Variants in FER1L6 observed in about 807,000 individuals in gnomAD.
FER1L6 encodes fer-1 like family member 6.
A neutral mutation model predicts 219.2 loss-of-function variants in FER1L6; 177 were observed. That is an observed-to-expected ratio of 0.81 (90% confidence interval 0.71 to 0.91). The LOEUF is 0.91. FER1L6 is among the 40% of genes least tolerant of loss of function. The probability of loss-of-function intolerance (pLI) is 0.00; values close to 1 mark genes in which losing one functional copy is unlikely to be tolerated. For missense variants in FER1L6, 2,153 were observed against 2,259.9 expected, an observed-to-expected ratio of 0.95 and a Z score of 0.96; for synonymous variants, 768 against 824.3, an observed-to-expected ratio of 0.93 and a Z score of 1.17.
chr8:123,942,621 A>C (rs1462867817), intron 1 of FER1L6, among the ~76,000 whole-genome samples: 1 of 151,136 alleles, frequency 6.6e-6, no homozygotes, highest in East Asian at 2.0e-4. Flanking sequence ...TGACTGCATC[A>C]CTCTAATCTC....
intron 19 of FER1L6, among the ~76,000 whole-genome samples, chr8:124,039,183 C>A (rs1158735605): frequency 1.3e-5 from 2 of 152,192 alleles, no homozygotes; most frequent in African/African-American, 4.8e-5. Context: ...GATGTGGGTG[C>A]TTGTCTTATC....
chr8:123,927,162 GAA>G (rs10531303), intron 1 of FER1L6, among the ~76,000 whole-genome samples: 56,857 of 135,380 alleles, frequency 0.42, 11,378 homozygotes, highest in South Asian at 0.52. Context: ...CAGCAGGCAG[GAA>G]AAAAAAAAAA....
intron 18 of FER1L6, among the ~76,000 whole-genome samples, chr8:124,031,424 C>G (rs1818961625): frequency 6.6e-6 from 1 of 152,098 alleles, no homozygotes. Flanking sequence ...AGTGGGGAAA[C>G]AGCAAGGCCT....
intron 1 of FER1L6, among the ~76,000 whole-genome samples, chr8:123,949,312 A>T (rs767231568): frequency 3.9e-5 from 6 of 152,196 alleles, no homozygotes; most frequent in Admixed American, 1.3e-4. Flanking sequence ...AATTTAGTTT[A>T]ACATAGCACC....
At chr8:124,103,005 G>C (rs1232933496) in intron 38 of FER1L6, 141 bp from the exon 39 acceptor site, 6 of 779,368 alleles carry the variant, frequency 7.7e-6, no homozygotes, top group African/African-American at 1.7e-5. Flanking sequence ...CCAATACCTA[G>C]CACATAGTTG....
rs755876805 is a variant in FER1L6, at chr8:123,854,442, C to T, written c.-8+2257C>T. On this transcript the variant is annotated intron_variant, in intron 1 of 40. Transcript: ENST00000522917. ...GGGCTGTCACAGCTTCATCTCGGAT[C>T]TCTGCTGTGTAGCATGTCAACTCAA... Among the ~76,000 whole-genome samples, 4 of 152,252 alleles carry T rather than the reference C, an allele frequency of 2.6e-5. No homozygotes were observed. In the East Asian group the frequency reaches 5.8e-4, roughly 22 times the overall value.
At chr8:123,935,727 A>C (rs1032743387) in intron 1 of FER1L6, among the ~76,000 whole-genome samples, 2 of 152,170 alleles carry the variant, frequency 1.3e-5, no homozygotes, top group African/African-American at 4.8e-5. Context: ...GCATATGGTA[A>C]TTAAAACCAC....
chr8:123,965,464 C>T (rs546931084), intron 3 of FER1L6, among the ~76,000 whole-genome samples: 1 of 152,306 alleles, frequency 6.6e-6, no homozygotes, highest in South Asian at 2.1e-4. Context: ...TTGTGATAGT[C>T]CAGATAAATG....
intron 25 of FER1L6, among the ~76,000 whole-genome samples, chr8:124,063,754 G>T (rs1302493073): frequency 6.6e-6 from 1 of 152,156 alleles, no homozygotes; most frequent in Non-Finnish European, 1.5e-5. Flanking sequence ...GCAGCCATGG[G>T]GGTACCGAAC....
intron 1 of FER1L6, among the ~76,000 whole-genome samples, chr8:123,927,196 G>A (rs563035537): frequency 1.9e-4 from 29 of 150,910 alleles, no homozygotes; most frequent in African/African-American, 6.3e-4. Context: ...TCTCCTGGGA[G>A]CCTAGTTTTA....
rs373998218 is a variant in FER1L6, at chr8:124,064,547, G to C, written c.3529G>C (p.Glu1177Gln). Residue 1177 changes from glutamate to glutamine, a missense_variant, in exon 26 of 41, where the codon GAG becomes CAG. Coordinates refer to ENST00000522917, the MANE Select transcript of FER1L6 (RefSeq NM_001039112.2). ...GCCTGAACACACACCTGTAGCCCAG[G>C]AGCCACCAAAAGATGGAAAACCTAA... is the stretch of plus-strand genomic sequence containing the variant. ...LEPEHTPVAQ[E>Q]PPKDGKPKDP... 44 of 1,609,830 alleles carry C rather than the reference G, an allele frequency of 2.7e-5. No homozygotes were observed. The highest frequency in any genetic ancestry group is 5.4e-5 in the African/African-American group (4 of 74,572).
intron 1 of FER1L6, among the ~76,000 whole-genome samples, chr8:123,944,552 T>TTA (rs144720120): frequency 1.8e-4 from 27 of 151,184 alleles, no homozygotes; most frequent in South Asian, 4.2e-4. Flanking sequence ...AGGAGGTAAG[T>TTA]TATATATATA....
chr8:124,109,034 G>A (rs555782001), intron 39 of FER1L6, among the ~76,000 whole-genome samples: 94 of 152,278 alleles, frequency 6.2e-4, no homozygotes, highest in African/African-American at 2.1e-3. Context: ...AAATGGCTAC[G>A]TTGTCTGGGG....
chr8:124,096,298 T>C (rs1822286120), intron 35 of FER1L6, among the ~76,000 whole-genome samples: 1 of 152,208 alleles, frequency 6.6e-6, no homozygotes, highest in Non-Finnish European at 1.5e-5. Flanking sequence ...CTTTTCTCTA[T>C]TCAATTGATT....
At chr8:124,081,346 A>T (rs1049444571) in intron 32 of FER1L6, among the ~76,000 whole-genome samples, 1 of 152,180 alleles carries the variant, frequency 6.6e-6, no homozygotes, top group Non-Finnish European at 1.5e-5. Flanking sequence ...ATCAGACAGC[A>T]TTAATGTTCC....
At chr8:123,904,224 TTGTGTGTGTGTGTGTGTGTGTGTG>T (rs56224402) in intron 1 of FER1L6, among the ~76,000 whole-genome samples, 1 of 139,396 alleles carries the variant, frequency 7.2e-6, no homozygotes, top group South Asian at 2.4e-4. Flanking sequence ...CTCTGTATAT[TTGTGTGTGTGTGTGTGTGTGTGTG>T]TGTGTGTGTG....
At chr8:123,950,745 A>G (rs1814724372) in intron 1 of FER1L6, among the ~76,000 whole-genome samples, 1 of 152,232 alleles carries the variant, frequency 6.6e-6, no homozygotes, top group South Asian at 2.1e-4. Context: ...TCCACCTACT[A>G]TCACAATGAG....
intron 1 of FER1L6, among the ~76,000 whole-genome samples, chr8:123,875,685 A>G (rs2130285277): frequency 6.6e-6 from 1 of 152,230 alleles, no homozygotes; most frequent in Admixed American, 6.5e-5. Context: ...CTGGCTTCCC[A>G]CCTGTGCCAC....
chr8:123,917,489 A>G, intron 1 of FER1L6, among the ~76,000 whole-genome samples: 1 of 152,254 alleles, frequency 6.6e-6, no homozygotes, highest in East Asian at 1.9e-4. Context: ...ACATAGGGCC[A>G]AAAGGACTAG....
Sources: gnomAD v4.1 joint callset for allele counts (sites outside exome capture counted in the v4.1 genomes callset) on GRCh38, gnomAD v4.1.1 for gene constraint, MANE v1.5 for transcripts, NCBI Gene and HGNC (gene_info 2026-07-23, HGNC 2026-07-21) for gene names.